Variants in CUX2 observed in about 807,000 individuals in gnomAD.
CUX2 encodes the protein homeobox protein cut-like 2.
A neutral mutation model predicts 144.8 loss-of-function variants in CUX2; 40 were observed. That is an observed-to-expected ratio of 0.28 (90% CI 0.21 to 0.36). CUX2 has a LOEUF of 0.36. Ranked by LOEUF, CUX2 falls within the 10% of genes least tolerant of loss-of-function variation. The pLI, the probability that CUX2 is intolerant of heterozygous loss-of-function variation, is 1.00. For missense variants in CUX2, 1,615 were observed against 1,994.0 expected (o/e 0.81, Z 3.62); for synonymous variants, 827 against 875.6 (o/e 0.94, Z 0.98).
Position 111,293,302 on chromosome 12 carries a change from C to T in CUX2, c.437-144C>T. The T allele has an allele frequency of 1.6e-6, 2 of 1,252,422 alleles. No homozygotes were observed. The highest frequency in any genetic ancestry group is 1.6e-5 in the South Asian group (1 of 61,384). The allele number at this position is 1,252,422 out of a possible 1,614,324, so 77.6% of individuals were successfully genotyped here. Reference sequence around the variant, plus strand: ...CTGTGTGCTGAGGACATGCGGCCCGCAGGGCCCCACAGCTGCGCTCTCTCC... The same window carrying T: ...CTGTGTGCTGAGGACATGCGGCCCGTAGGGCCCCACAGCTGCGCTCTCTCC... On this transcript the variant is annotated intron_variant, in intron 5 of 21. Coordinates refer to ENST00000261726, the MANE Select transcript of CUX2 (RefSeq NM_015267.4). This position sits in a 1 kb window ranked among gnomAD's most constrained non-coding sequence, Gnocchi z 4.5.
In CUX2 at chr12:111,289,311, C is replaced by T. The variant is rs944110858; in HGVS notation, c.302-2107C>T. Among the ~76,000 whole-genome samples the T allele has an allele frequency of 2.6e-5, 4 of 152,122 alleles. No homozygotes were observed. The highest frequency in any genetic ancestry group is 9.7e-5 in the African/African-American group (4 of 41,418). On this transcript the variant is annotated intron_variant, in intron 4 of 21. Transcript: ENST00000261726. This position sits in a 1 kb window ranked among gnomAD's most constrained non-coding sequence, Gnocchi z 4.1. ...CAAGAGCAGGCACTAGGACAGGAGG[C>T]CTTTGTGATATCAAAGCAAGAGACC...
At chr12:111,206,987 T>G (rs530957258) in intron 1 of CUX2, among the ~76,000 whole-genome samples, 2 of 152,174 alleles carry the variant, frequency 1.3e-5, no homozygotes, top group African/African-American at 4.8e-5. Context: ...GGTGGATGTA[T>G]GTCTGGATGA....
intron 4 of CUX2, among the ~76,000 whole-genome samples, chr12:111,281,227 C>T (rs1885101569): frequency 6.6e-6 from 1 of 152,202 alleles, no homozygotes; most frequent in Admixed American, 6.5e-5. Flanking sequence ...TCTCCCCCAA[C>T]TCCACTCCAG....
At chr12:111,102,397 T>C (rs1369446421) in intron 1 of CUX2, among the ~76,000 whole-genome samples, 1 of 152,156 alleles carries the variant, frequency 6.6e-6, no homozygotes, top group Non-Finnish European at 1.5e-5. Flanking sequence ...TTTTGTGCAC[T>C]TGTCCAAAGC....
At chr12:111,091,860 GTC>G (rs879802836) in intron 1 of CUX2, among the ~76,000 whole-genome samples, 3 of 152,138 alleles carry the variant, frequency 2.0e-5, no homozygotes, top group Non-Finnish European at 2.9e-5. Flanking sequence ...CCACATGACT[GTC>G]TTATCTTTGC....
chr12:111,228,256 G>C (rs1464964581), intron 3 of CUX2, among the ~76,000 whole-genome samples: 10 of 152,082 alleles, frequency 6.6e-5, no homozygotes, highest in Admixed American at 5.9e-4. Flanking sequence ...AGACTGCCTG[G>C]GTTCAACTCC....
intron 1 of CUX2, among the ~76,000 whole-genome samples, chr12:111,119,110 C>T (rs1471881886): frequency 2.6e-5 from 4 of 152,176 alleles, no homozygotes; most frequent in Admixed American, 2.0e-4. Context: ...GAGGGCAAAC[C>T]TTTTCTCTAG....
At chr12:111,222,427 C>T (rs1044263899) in intron 3 of CUX2, among the ~76,000 whole-genome samples, 11 of 152,306 alleles carry the variant, frequency 7.2e-5, no homozygotes, top group Middle Eastern at 3.4e-3. Flanking sequence ...TTCTTTTTCT[C>T]TGCCGCCTTT....
intron 1 of CUX2, among the ~76,000 whole-genome samples, chr12:111,087,261 G>A (rs1429489182): frequency 2.7e-5 from 4 of 150,210 alleles, no homozygotes; most frequent in Non-Finnish European, 5.9e-5. Flanking sequence ...CCAGCTACTC[G>A]GAAGGCTGAG....
At position 111,334,663 on chromosome 12, in the gene CUX2, A is replaced by G; in HGVS notation, c.3149A>G (p.Tyr1050Cys). 6.2e-7 allele frequency: 1 copy of G among 1,613,724 alleles called. No homozygotes were observed. The highest frequency in any genetic ancestry group is 1.1e-5 in the South Asian group (1 of 91,050). Residue 1050 changes from tyrosine to cysteine, a missense_variant, in exon 19 of 22, where the codon TAC becomes TGC. By Grantham distance (194) the Tyr-to-Cys change is radical (BLOSUM62 -2). This residue lies in a region of CUX2 where 128 missense variants were observed against 124.4 expected (regional missense o/e 1.03). Transcript: ENST00000261726. ...GCCATGTCCCCCGAGCTGGACACGT[A>G]CTCCATCACCAAGAGGGTGAAGGAG... ...IVAMSPELDTYSITKRVKEVL... is the reference protein window; with the variant it reads ...IVAMSPELDTCSITKRVKEVL...
At chr12:111,236,850 CCTAAAAGCG>C (rs1356049703) in intron 3 of CUX2, among the ~76,000 whole-genome samples, 1 of 152,206 alleles carries the variant, frequency 6.6e-6, no homozygotes, top group Non-Finnish European at 1.5e-5. Flanking sequence ...AATGTTGCCT[CCTAAAAGCG>C]GCAAAAGCGG....
At chr12:111,076,715 C>T (rs866336189) in intron 1 of CUX2, among the ~76,000 whole-genome samples, 1 of 152,192 alleles carries the variant, frequency 6.6e-6, no homozygotes, top group South Asian at 2.1e-4. Flanking sequence ...TATATTTTCC[C>T]CTCCCAAGTC....
chr12:111,184,014 C>T (rs1303262302), intron 1 of CUX2, among the ~76,000 whole-genome samples: 1 of 152,174 alleles, frequency 6.6e-6, no homozygotes, highest in Non-Finnish European at 1.5e-5. Flanking sequence ...TGCCTTTTCC[C>T]TTTTACATCC....
At chr12:111,203,934 AG>A (rs1258776236) in intron 1 of CUX2, among the ~76,000 whole-genome samples, 1 of 152,230 alleles carries the variant, frequency 6.6e-6, no homozygotes, top group East Asian at 1.9e-4. Flanking sequence ...TACCTAAGGC[AG>A]GCGGAGCAGC....
chr12:111,276,677 G>C (rs770882401), intron 4 of CUX2, among the ~76,000 whole-genome samples: 1 of 152,018 alleles, frequency 6.6e-6, no homozygotes, highest in Admixed American at 6.6e-5. Flanking sequence ...GTTTTGAGAC[G>C]GAGCCTCACT....
intron 3 of CUX2, among the ~76,000 whole-genome samples, chr12:111,223,497 G>C (rs1327759062): frequency 3.9e-5 from 6 of 152,188 alleles, no homozygotes; most frequent in African/African-American, 1.4e-4. Context: ...ACTTTGACCA[G>C]TAGAACATGG....
chr12:111,079,559 G>A (rs904923970), intron 1 of CUX2, among the ~76,000 whole-genome samples: 1 of 152,104 alleles, frequency 6.6e-6, no homozygotes, highest in Non-Finnish European at 1.5e-5. Context: ...GTTGCTGTTG[G>A]TTAAGTTTGT....
In CUX2 at chr12:111,255,226, C is replaced by A. The variant is rs2136280117; in HGVS notation, c.223-8535C>A. Among the ~76,000 whole-genome samples, 1 of 152,278 alleles carries A rather than the reference C, an allele frequency of 6.6e-6. No individual in the cohort carries two copies. Among genetic ancestry groups the A allele is most frequent in the South Asian group, 2.1e-4 (1 of 4,824 alleles). ...GACCCCTGGGTGACCCTCCAGAGGG[C>A]CAGAGAGGGTCTCCAATTTCTGCCC... On this transcript the variant is annotated intron_variant, in intron 3 of 21. Transcript: ENST00000261726. The surrounding 1 kb of genome is among the most constrained non-coding windows in gnomAD (Gnocchi z 4.1).
chr12:111,319,929 T>G (rs1315386711), intron 16 of CUX2, 83 bp from the exon 17 acceptor site: 1 of 1,400,626 alleles, frequency 7.1e-7, no homozygotes, highest in East Asian at 2.9e-5. Flanking sequence ...CGTGCTGGCA[T>G]CAACAGGGAT....
Sources: allele counts gnomAD v4.1 joint callset (sites outside exome capture counted in the v4.1 genomes callset), GRCh38; gene constraint gnomAD v4.1.1; regional missense constraint gnomAD v4.1.1; non-coding constraint Gnocchi (gnomAD v3.1); transcripts MANE v1.5; gene names NCBI Gene and HGNC (gene_info 2026-07-23, HGNC 2026-07-21).